ENSA: variants seen among roughly 807,000 people sequenced by gnomAD.
ENSA encodes alpha-endosulfine.
ENSA carries 7 observed loss-of-function variants against 16.8 expected under a neutral mutation model. The ratio of observed to expected loss-of-function variants is 0.42; its 90% confidence interval spans 0.24 to 0.78. The LOEUF (loss-of-function observed/expected upper bound fraction) is 0.78. Among genes scored for constraint, ENSA ranks in the 30% least tolerant of loss-of-function variants. The probability of loss-of-function intolerance (pLI) is 0.29; values close to 1 mark genes in which losing one functional copy is unlikely to be tolerated. For missense variants in ENSA, 87 were observed against 142.3 expected, an observed-to-expected ratio of 0.61 and a Z score of 1.98; for synonymous variants, 58 against 53.4, an observed-to-expected ratio of 1.09 and a Z score of -0.37.
rs587752249 is a variant in ENSA at position 150,623,981 on chromosome 1, T to C, written c.351-1122A>G. ...TCAGCAAGTCTATCAGTCATTCTCA[T>C]TGGGCCAAATGTTTGGCATATCAGA... On this transcript the variant is annotated intron_variant, in intron 3 of 3. Transcript: ENST00000369014. The C allele has an allele frequency of 5.1e-6, 5 of 985,428 alleles. No individual in the cohort carries two copies. The South Asian group carries it at 2.3e-4, about 46-fold the overall frequency. 61.0% of individuals were successfully genotyped at this position (985,428 alleles called of 1,614,324 possible).
chr1:150,627,088 T>C (rs1649386548), intron 2 of ENSA: 1 of 1,361,032 alleles, frequency 7.3e-7, no homozygotes, highest in Admixed American at 3.2e-5. Context: ...AGAGATGGTT[T>C]GATCTTCTTC....
At chr1:150,629,348 T>G (rs1649578974) in intron 1 of ENSA, 66 bp downstream of exon 1, 4 of 1,583,402 alleles carry the variant, frequency 2.5e-6, no homozygotes, top group Non-Finnish European at 2.6e-6. Flanking sequence ...TCCGCACTGG[T>G]GGGAGACCGT....
chr1:150,622,251 A>G lies in ENSA; in HGVS notation c.*593T>C, dbSNP rs1310309936. The G allele has an allele frequency of 6.6e-6, 1 of 152,106 alleles. No homozygotes were observed. The highest frequency in any genetic ancestry group is 2.4e-5 in the African/African-American group (1 of 41,382). 9.4% of individuals were successfully genotyped at this position (152,106 alleles called of 1,614,324 possible). On this transcript the variant is annotated 3_prime_UTR_variant, in exon 4 of 4. Transcript: ENST00000369014. Reference sequence around the variant, plus strand: ...TCCCACACTCACTGCCCTTCTTCCCACAGCAAATCTATTTCAAGGACAGTA... The same window carrying G: ...TCCCACACTCACTGCCCTTCTTCCCGCAGCAAATCTATTTCAAGGACAGTA...
chr1:150,625,323 T>C (rs1649223701), intron 3 of ENSA: 1 of 1,046,562 alleles, frequency 9.6e-7, no homozygotes, highest in African/African-American at 1.7e-5. Context: ...TTTTGGGACA[T>C]TCTCTCCCAA....
intron 2 of ENSA, chr1:150,627,207 C>T (rs1191531549): frequency 8.7e-6 from 13 of 1,501,864 alleles, no homozygotes; most frequent in Non-Finnish European, 1.2e-5. Flanking sequence ...ATTTCAGTTT[C>T]TAACATCTTT....
rs915612345 is a variant in ENSA, at chr1:150,629,179, G to A, written c.57+235C>T. On this transcript the variant is annotated intron_variant, in intron 1 of 3. Transcript: ENST00000369014. ...CGGCCAATTATAGCACAGCGTCCAA[G>A]GTTTGAGCGGTAGGCCTATTGGCCA... 8 of 1,612,450 alleles carry A rather than the reference G, an allele frequency of 5.0e-6. No individual in the cohort carries two copies. In the African/African-American group the frequency reaches 9.3e-5, roughly 19 times the overall value.
At chr1:150,624,457 T>C (rs767399394) in intron 3 of ENSA, 3 of 985,932 alleles carry the variant, frequency 3.0e-6, no homozygotes, top group Non-Finnish European at 3.6e-6. Flanking sequence ...TGACTGAGCA[T>C]GTTTCCTCAG....
chr1:150,624,703 A>G (rs1649181183), intron 3 of ENSA: 1 of 985,346 alleles, frequency 1.0e-6, no homozygotes, highest in South Asian at 4.7e-5. Flanking sequence ...GTACTTTCCC[A>G]GTATTACAGA....
At chr1:150,629,382 C>A in intron 1 of ENSA, 32 bp downstream of exon 1, 1 of 1,607,220 alleles carries the variant, frequency 6.2e-7, no homozygotes, top group Non-Finnish European at 8.5e-7. Context: ...ACGGTCTCCC[C>A]AGCTCGCCCG....
At chr1:150,624,581 T>G in intron 3 of ENSA, 1 of 985,890 alleles carries the variant, frequency 1.0e-6, no homozygotes, top group Non-Finnish European at 1.2e-6. Context: ...CTAAGTATTT[T>G]TTTTTGACCC....
At position 150,625,714 on chromosome 1, in the gene ENSA, G is replaced by A. The variant is rs757226308; in HGVS notation, c.278C>T (p.Thr93Ile). 5 of 1,613,346 alleles carry A rather than the reference G, an allele frequency of 3.1e-6. No individual in the cohort carries two copies. The highest frequency in any genetic ancestry group is 4.2e-6 in the Non-Finnish European group (5 of 1,179,714). Residue 93 changes from threonine (T) to isoleucine (I), a missense_variant, in exon 3 of 4, where the codon ACT becomes ATT. Thr to Ile is a moderately conservative substitution (Grantham distance 89). Coordinates refer to ENST00000369014, the MANE Select transcript of ENSA (RefSeq NM_004436.4). ...PSAGPDKNLV[T>I]GDHIPTPQDL... ...CTGTGGGGTGGGGATGTGATCACCA[G>A]TCACCAGGTTCTTGTCTGGTCCTGC... is the stretch of plus-strand genomic sequence containing the variant.
downstream of ENSA, chr1:150,621,295 A>G (rs1648985612): frequency 6.6e-6 from 1 of 151,952 alleles, no homozygotes; most frequent in Non-Finnish European, 1.5e-5. Context: ...TTTTTTTTAG[A>G]TGGAGTCTCG....
intron 2 of ENSA, among the ~76,000 whole-genome samples, chr1:150,626,694 C>T (rs923984353): frequency 5.3e-5 from 8 of 152,204 alleles, no homozygotes; most frequent in Admixed American, 3.9e-4. Context: ...GTAGCTGGGA[C>T]TACAGGCGCC....
At chr1:150,623,243 G>C (rs1423909634) in intron 3 of ENSA, 1 of 1,036,808 alleles carries the variant, frequency 9.6e-7, no homozygotes, top group Non-Finnish European at 1.2e-6. Context: ...AGATGAGGTG[G>C]TGACTGTGTG....
chr1:150,623,451 G>A, intron 3 of ENSA: 1 of 985,814 alleles, frequency 1.0e-6, no homozygotes, highest in Non-Finnish European at 1.2e-6. Context: ...TAGAGAGACA[G>A]AGTGAGACCA....
chr1:150,629,309 C>T, intron 1 of ENSA, 105 bp downstream of exon 1: 2 of 1,541,520 alleles, frequency 1.3e-6, no homozygotes, highest in African/African-American at 1.4e-5. Context: ...GTGGCCAACC[C>T]CTGCGGAGCC....
chr1:150,622,749 T>C lies in ENSA; in HGVS notation c.*95A>G. 1.4e-6 allele frequency: 2 copies of C among 1,426,494 alleles called. No homozygotes were observed. The highest frequency in any genetic ancestry group is 1.9e-6 in the Non-Finnish European group (2 of 1,055,696). The allele number at this position is 1,426,494 out of a possible 1,614,324, so 88.4% of individuals were successfully genotyped here. A position where few individuals can be genotyped will look rare whatever the true frequency, so the allele number is the denominator to read the frequency against. On this transcript the variant is annotated 3_prime_UTR_variant, in exon 4 of 4. Coordinates refer to ENST00000369014, the MANE Select transcript of ENSA (RefSeq NM_004436.4). ...CACACCCGAGCCACCTCCTGACCCC[T>C]GGCTGCAAAAGCAGGAAGGGGCAGG...
At chr1:150,623,707 G>A (rs1265559618) in intron 3 of ENSA, 1 of 985,600 alleles carries the variant, frequency 1.0e-6, no homozygotes, top group Non-Finnish European at 1.2e-6. Flanking sequence ...CTATACAATG[G>A]TGTTCAGCAT....
At position 150,629,478 on chromosome 1, in the gene ENSA, C is replaced by T. The variant is rs1571019389; in HGVS notation, c.-8G>A. 3.7e-6 allele frequency: 6 copies of T among 1,613,456 alleles called. No individual in the cohort carries two copies. The East Asian group carries it at 1.1e-4, about 30-fold the overall frequency. ...TTCTTGTTTCTGGGACATGGCGGGA[C>T]CGGGACTGTGGAGTGTAAGGGGCCC... On this transcript the variant is annotated 5_prime_UTR_variant, in exon 1 of 4. Coordinates refer to ENST00000369014, the MANE Select transcript of ENSA (RefSeq NM_004436.4).
Sources: allele counts gnomAD v4.1 joint callset (sites outside exome capture counted in the v4.1 genomes callset), GRCh38; gene constraint gnomAD v4.1.1; transcripts MANE v1.5; gene names NCBI Gene and HGNC (gene_info 2026-07-23, HGNC 2026-07-21).